Variants in PDE8B observed in about 807,000 individuals in gnomAD.
PDE8B encodes high affinity cAMP-specific and IBMX-insensitive 3',5'-cyclic phosphodiesterase 8B.
PDE8B carries 26 observed loss-of-function variants against 101.3 expected under a neutral mutation model. The observed-to-expected ratio is 0.26, with a 90% CI of 0.19 to 0.36. The LOEUF is 0.36. Among genes scored for constraint, PDE8B ranks in the 10% least tolerant of loss-of-function variants. The pLI is 1.00. For synonymous variants in PDE8B, 424 were observed against 429.3 expected (o/e 0.99, Z 0.15); for missense variants, 810 against 1,163.1 (o/e 0.70, Z 4.42).
chr5:77,207,891 T>A (rs1427288634), upstream of PDE8B, among the ~76,000 whole-genome samples: 1 of 152,236 alleles, frequency 6.6e-6, no homozygotes, highest in East Asian at 1.9e-4. Flanking sequence ...AAGATGTGTT[T>A]GAGCTACTGT....
chr5:77,186,541 A>C, the PDE8B span, among the ~76,000 whole-genome samples: 118 of 152,310 alleles, frequency 7.7e-4, no homozygotes, highest in Non-Finnish European at 1.4e-3. Context: ...AGATGACTGC[A>C]GACTTACCTT....
chr5:77,282,196 A>C (rs1175976791), intron 1 of PDE8B, among the ~76,000 whole-genome samples: 2 of 151,998 alleles, frequency 1.3e-5, no homozygotes, highest in Non-Finnish European at 2.9e-5. Flanking sequence ...GAGCAGCCAC[A>C]TGGCAGTCCT....
chr5:77,342,015 T>G (rs1779287946), intron 6 of PDE8B, among the ~76,000 whole-genome samples: 1 of 152,214 alleles, frequency 6.6e-6, no homozygotes, highest in Admixed American at 6.5e-5. Flanking sequence ...TCTTCATTTC[T>G]GCAACTATAG....
At chr5:77,219,447 C>T (rs1344987837) in intron 1 of PDE8B, among the ~76,000 whole-genome samples, 2 of 152,084 alleles carry the variant, frequency 1.3e-5, no homozygotes, top group African/African-American at 4.8e-5. Context: ...CAACCTATCA[C>T]CCAGGGTACC....
chr5:77,407,901 T>C lies in PDE8B; in HGVS notation c.1365+444T>C, dbSNP rs542388515. ...GTAAGCAGGTGAGAGAGGAGGAGGA[T>C]GTAGGTTGTACAGGGCTCAGCTCAT... On this transcript the variant is annotated intron_variant, in intron 13 of 21. Coordinates refer to ENST00000264917, the MANE Select transcript of PDE8B (RefSeq NM_003719.5). Among the ~76,000 whole-genome samples, 62 of 152,196 alleles carry C rather than the reference T, an allele frequency of 4.1e-4. No homozygotes were observed. In the South Asian group the frequency reaches 0.012, roughly 31 times the overall value.
intron 10 of PDE8B, among the ~76,000 whole-genome samples, chr5:77,367,154 A>AACACACACAC (rs71736838): frequency 9.0e-5 from 13 of 144,842 alleles, no homozygotes; most frequent in African/African-American, 2.6e-4. Flanking sequence ...GTTTTCTCAA[A>AACACACACAC]ACACACACAC....
intron 10 of PDE8B, among the ~76,000 whole-genome samples, chr5:77,365,993 A>G (rs747849972): frequency 6.6e-6 from 1 of 152,204 alleles, no homozygotes; most frequent in Non-Finnish European, 1.5e-5. Flanking sequence ...TTTGGGGACA[A>G]ATACAACAAA....
At chr5:77,400,379 A>G in intron 11 of PDE8B, 89 bp downstream of exon 11, 1 of 868,540 alleles carries the variant, frequency 1.2e-6, no homozygotes, top group Admixed American at 1.7e-5. Flanking sequence ...CTAAGTTGAC[A>G]TCTACTACCC....
At chr5:77,401,100 A>G (rs1346647880) in intron 11 of PDE8B, among the ~76,000 whole-genome samples, 1 of 152,220 alleles carries the variant, frequency 6.6e-6, no homozygotes, top group Non-Finnish European at 1.5e-5. Context: ...ATGAATTAAC[A>G]AAAGCCCATC....
the PDE8B span, among the ~76,000 whole-genome samples, chr5:77,108,665 A>G: frequency 8.5e-5 from 13 of 152,236 alleles, no homozygotes; most frequent in Non-Finnish European, 1.9e-4. Flanking sequence ...CCTGGGTGAC[A>G]AAGCGAGACT....
At chr5:77,222,571 G>A (rs1317998067) in intron 1 of PDE8B, among the ~76,000 whole-genome samples, 2 of 152,120 alleles carry the variant, frequency 1.3e-5, no homozygotes, top group African/African-American at 4.8e-5. Context: ...GTGACAGAGT[G>A]GAGACTCCAT....
chr5:77,277,750 C>G (rs1764128205), intron 1 of PDE8B, among the ~76,000 whole-genome samples: 2 of 152,202 alleles, frequency 1.3e-5, no homozygotes, highest in Admixed American at 6.5e-5. Context: ...CATCACAGCT[C>G]TCTCCTGTCT....
At chr5:77,241,220 A>G (rs1457277573) in intron 1 of PDE8B, among the ~76,000 whole-genome samples, 3 of 152,250 alleles carry the variant, frequency 2.0e-5, no homozygotes, top group African/African-American at 4.8e-5. Context: ...TTCTTCGGCA[A>G]GTATTGGGAG....
chr5:77,095,150 G>A, the PDE8B span, among the ~76,000 whole-genome samples: 2 of 152,090 alleles, frequency 1.3e-5, no homozygotes, highest in African/African-American at 4.8e-5. Flanking sequence ...ACTCTCTCTG[G>A]TGAAGCTTTC....
the PDE8B span, among the ~76,000 whole-genome samples, chr5:77,192,807 C>G: frequency 1.3e-5 from 2 of 152,176 alleles, no homozygotes; most frequent in African/African-American, 4.8e-5. Flanking sequence ...CAGTAATGTA[C>G]GAGAATTCCA....
At chr5:77,253,764 G>A (rs1758552891) in intron 1 of PDE8B, among the ~76,000 whole-genome samples, 1 of 151,994 alleles carries the variant, frequency 6.6e-6, no homozygotes, top group Non-Finnish European at 1.5e-5. Flanking sequence ...TTACAAAGAG[G>A]GCAACCTTAG....
chr5:77,360,705 C>T (rs1782945862), intron 10 of PDE8B, among the ~76,000 whole-genome samples: 2 of 152,164 alleles, frequency 1.3e-5, no homozygotes. Flanking sequence ...CAGTCACCCC[C>T]ATCCTAACCT....
the PDE8B span, among the ~76,000 whole-genome samples, chr5:77,117,505 A>G: frequency 6.6e-6 from 1 of 152,162 alleles, no homozygotes; most frequent in Non-Finnish European, 1.5e-5. Flanking sequence ...CTTGCCTGAT[A>G]GTATGGTTCC....
At chr5:77,335,782 A>C (rs546999713) in intron 5 of PDE8B, among the ~76,000 whole-genome samples, 1 of 152,298 alleles carries the variant, frequency 6.6e-6, no homozygotes, top group South Asian at 2.1e-4. Flanking sequence ...ATGCTTAGAA[A>C]GGTTTGCATG....
Sources: allele counts gnomAD v4.1 joint callset (sites outside exome capture counted in the v4.1 genomes callset), GRCh38; gene constraint gnomAD v4.1.1; transcripts MANE v1.5; gene names NCBI Gene and HGNC (gene_info 2026-07-23, HGNC 2026-07-21).